LOC128462377: variants seen among roughly 807,000 people sequenced by gnomAD.
At chr16:89,411,208 C>T in the LOC128462377 span, among the ~76,000 whole-genome samples, 1 of 152,258 alleles carries the variant, frequency 6.6e-6, no homozygotes, top group Non-Finnish European at 1.5e-5. Context: ...TCCACCACAT[C>T]CCCTCTCGTG....
chr16:89,328,594 T>C, the LOC128462377 span, among the ~76,000 whole-genome samples: 549 of 73,036 alleles, frequency 7.5e-3, 3 homozygotes, highest in Middle Eastern at 0.026. Context: ...GGCGTACGGG[T>C]GAATCTGCAG....
At chr16:89,365,969 T>G in the LOC128462377 span, among the ~76,000 whole-genome samples, 6 of 152,118 alleles carry the variant, frequency 3.9e-5, no homozygotes, top group Non-Finnish European at 7.4e-5. Context: ...TATTTGGTTT[T>G]CTGTCCCTGC....
the LOC128462377 span, among the ~76,000 whole-genome samples, chr16:89,354,243 C>CAA: frequency 0.08 from 10,048 of 126,008 alleles, 467 homozygotes; most frequent in Middle Eastern, 0.12. Flanking sequence ...TGCATTCAGC[C>CAA]AAAAAAAAAA....
At chr16:89,364,011 C>A in the LOC128462377 span, among the ~76,000 whole-genome samples, 1 of 151,716 alleles carries the variant, frequency 6.6e-6, no homozygotes, top group African/African-American at 2.4e-5. Flanking sequence ...GGTGAGCTAT[C>A]ATTGTGCCAT....
the LOC128462377 span, among the ~76,000 whole-genome samples, chr16:89,347,060 G>A: frequency 6.6e-6 from 1 of 152,184 alleles, no homozygotes; most frequent in African/African-American, 2.4e-5. Flanking sequence ...TGGGCGAAAG[G>A]CCAGCTAAAG....
chr16:89,413,636 T>C, the LOC128462377 span, among the ~76,000 whole-genome samples: 1 of 151,534 alleles, frequency 6.6e-6, no homozygotes, highest in African/African-American at 2.4e-5. Flanking sequence ...AAGAAAAAAA[T>C]AAAGGAAATG....
the LOC128462377 span, among the ~76,000 whole-genome samples, chr16:89,390,831 C>T: frequency 1.3e-5 from 2 of 152,186 alleles, no homozygotes; most frequent in African/African-American, 4.8e-5. Context: ...TCCCCACATG[C>T]CCTGCCCTCC....
the LOC128462377 span, among the ~76,000 whole-genome samples, chr16:89,349,839 A>C: frequency 6.6e-6 from 1 of 151,312 alleles, no homozygotes; most frequent in Admixed American, 6.6e-5. Context: ...AGAAATAAAA[A>C]TACAGGCCAA....
chr16:89,334,840 A>G, the LOC128462377 span, among the ~76,000 whole-genome samples: 1 of 152,158 alleles, frequency 6.6e-6, no homozygotes, highest in Admixed American at 6.5e-5. Context: ...CACGGGGCGC[A>G]CGTGTCCATA....
chr16:89,355,857 G>A, the LOC128462377 span, among the ~76,000 whole-genome samples: 1 of 152,184 alleles, frequency 6.6e-6, no homozygotes, highest in African/African-American at 2.4e-5. Context: ...TGGAAAGGCA[G>A]AGTGACCGAT....
the LOC128462377 span, among the ~76,000 whole-genome samples, chr16:89,389,080 A>T: frequency 6.6e-6 from 1 of 152,232 alleles, no homozygotes; most frequent in East Asian, 1.9e-4. Flanking sequence ...AATGGATTAC[A>T]GTGCTGGAGT....
the LOC128462377 span, among the ~76,000 whole-genome samples, chr16:89,401,225 G>C: frequency 6.6e-6 from 1 of 151,942 alleles, no homozygotes; most frequent in Non-Finnish European, 1.5e-5. Flanking sequence ...TTCCAAGACG[G>C]CCGCCACCAC....
At chr16:89,409,044 T>G in the LOC128462377 span, among the ~76,000 whole-genome samples, 1 of 152,048 alleles carries the variant, frequency 6.6e-6, no homozygotes, top group East Asian at 1.9e-4. Context: ...CAGCAGAGAA[T>G]TCAGAAAAGC....
At chr16:89,350,201 A>T in the LOC128462377 span, among the ~76,000 whole-genome samples, 1 of 152,258 alleles carries the variant, frequency 6.6e-6, no homozygotes, top group Admixed American at 6.5e-5. Flanking sequence ...GCAAGGACAG[A>T]GCAGATGGAA....
chr16:89,366,063 G>A, the LOC128462377 span, among the ~76,000 whole-genome samples: 1 of 149,978 alleles, frequency 6.7e-6, no homozygotes, highest in African/African-American at 2.5e-5. Flanking sequence ...CTGGAAGGTG[G>A]AGGTTGCAGT....
At chr16:89,407,107 A>T in the LOC128462377 span, among the ~76,000 whole-genome samples, 1 of 151,864 alleles carries the variant, frequency 6.6e-6, no homozygotes, top group African/African-American at 2.4e-5. Context: ...AAGCCCAGGT[A>T]CTCGGGAGGC....
the LOC128462377 span, among the ~76,000 whole-genome samples, chr16:89,353,323 C>CCTCT: frequency 6.7e-6 from 1 of 150,272 alleles, no homozygotes; most frequent in Non-Finnish European, 1.5e-5. Flanking sequence ...GCCTGGGTGA[C>CCTCT]AGAGTGAGAC....
the LOC128462377 span, among the ~76,000 whole-genome samples, chr16:89,415,829 CAAAAAAAA>C: frequency 0.012 from 462 of 39,746 alleles, 26 homozygotes; most frequent in African/African-American, 0.04. Flanking sequence ...GACTCTGTCT[CAAAAAAAA>C]AAAAAAAAAA....
At chr16:89,336,833 A>G in the LOC128462377 span, among the ~76,000 whole-genome samples, 1 of 152,158 alleles carries the variant, frequency 6.6e-6, no homozygotes, top group Non-Finnish European at 1.5e-5. Context: ...TTCCATTAGA[A>G]AACAACTGCA....
Sources: gnomAD v4.1 joint callset for allele counts (sites outside exome capture counted in the v4.1 genomes callset) on GRCh38, gnomAD v4.1.1 for gene constraint, MANE v1.5 for transcripts.